The following CR1L variants were observed in gnomAD, a reference collection of about 807,000 sequenced individuals.
The protein encoded by CR1L is complement C3b/C4b receptor 1 like.
CR1L carries 59 observed loss-of-function variants against 62.3 expected under a neutral mutation model. That is an observed-to-expected ratio of 0.95 (90% CI 0.77 to 1.18). The LOEUF is 1.18. CR1L is among the 50% of genes most tolerant of loss of function. CR1L has a pLI of 0.00. For missense variants in CR1L, 700 were observed against 702.8 expected, an observed-to-expected ratio of 1.00 and a Z score of 0.04; for synonymous variants, 279 against 248.7, an observed-to-expected ratio of 1.12 and a Z score of -1.15.
chr1:207,694,811 G>A (rs1363184104), intron 5 of CR1L, 60 bp downstream of exon 5: 1 of 1,610,480 alleles, frequency 6.2e-7, no homozygotes, highest in Admixed American at 1.7e-5. Flanking sequence ...GTTGGATCAG[G>A]AGATTAGTAT....
At chr1:207,669,064 A>C (rs1289002441) in intron 1 of CR1L, 1 of 226,858 alleles carries the variant, frequency 4.4e-6, no homozygotes, top group East Asian at 1.4e-4. Context: ...TCCCACACAC[A>C]TTCTTGCAAA....
At chr1:207,691,375 A>G (rs1451370015) in intron 4 of CR1L, among the ~76,000 whole-genome samples, 4 of 151,804 alleles carry the variant, frequency 2.6e-5, no homozygotes, top group Non-Finnish European at 5.9e-5. Context: ...TCTTTGTCTT[A>G]TATTTAAAGC....
At chr1:207,699,392 A>G in intron 8 of CR1L, 118 bp downstream of exon 8, 1 of 1,275,524 alleles carries the variant, frequency 7.8e-7, no homozygotes, top group South Asian at 1.4e-5. Flanking sequence ...TGATTTGAAA[A>G]TTTCTTATTT....
At chr1:207,708,002 T>C (rs556353715) in intron 9 of CR1L, among the ~76,000 whole-genome samples, 176 bp from the exon 10 acceptor site, 7 of 152,332 alleles carry the variant, frequency 4.6e-5, no homozygotes, top group African/African-American at 1.7e-4. Context: ...CAGAAATATC[T>C]CTTTTCAATA....
chr1:207,701,713 C>G (rs749796777), intron 9 of CR1L, 95 bp downstream of exon 9: 2 of 1,518,380 alleles, frequency 1.3e-6, no homozygotes, highest in Non-Finnish European at 1.8e-6. Context: ...CTGTTGCCAC[C>G]TGCTCTTGAG....
chr1:207,715,348 C>T, intron 10 of CR1L: 3 of 1,598,810 alleles, frequency 1.9e-6, no homozygotes, highest in Non-Finnish European at 2.6e-6. Flanking sequence ...GTCATTGTGT[C>T]TTGGCTGGAA....
At chr1:207,714,692 C>CAG (rs1193477952) in intron 10 of CR1L, among the ~76,000 whole-genome samples, 1 of 152,096 alleles carries the variant, frequency 6.6e-6, no homozygotes, top group African/African-American at 2.4e-5. Flanking sequence ...ATAATGATTT[C>CAG]CAATTTCAGA....
chr1:207,669,336 G>A (rs547602139), intron 1 of CR1L: 11 of 719,426 alleles, frequency 1.5e-5, no homozygotes, highest in East Asian at 2.8e-5. Flanking sequence ...CCCTCCCCAT[G>A]CTCTGGGCGC....
intron 1 of CR1L, among the ~76,000 whole-genome samples, chr1:207,667,460 A>C (rs958592897): frequency 5.9e-5 from 9 of 152,186 alleles, no homozygotes; most frequent in African/African-American, 2.2e-4. Flanking sequence ...TCCTCTTATA[A>C]GGATCCCTGT....
intron 1 of CR1L, chr1:207,669,354 A>G (rs1233385754): frequency 4.9e-6 from 4 of 822,954 alleles, no homozygotes; most frequent in Non-Finnish European, 7.9e-6. Flanking sequence ...CGCGGAGCAC[A>G]AGGATTGGTC....
intron 4 of CR1L, among the ~76,000 whole-genome samples, chr1:207,692,320 T>C (rs990671810): frequency 3.9e-5 from 6 of 152,254 alleles, no homozygotes; most frequent in Non-Finnish European, 8.8e-5. Flanking sequence ...ATTTTTATGT[T>C]GCCTCAGCAT....
chr1:207,703,710 A>AT (rs968246590), intron 9 of CR1L, among the ~76,000 whole-genome samples: 3 of 152,256 alleles, frequency 2.0e-5, no homozygotes, highest in Admixed American at 2.0e-4. Flanking sequence ...TAATCCCAGC[A>AT]TATTGGGAGA....
At chr1:207,718,279 T>C (rs1654052645) in intron 11 of CR1L, among the ~76,000 whole-genome samples, 2 of 152,194 alleles carry the variant, frequency 1.3e-5, no homozygotes, top group South Asian at 2.1e-4. Flanking sequence ...CTCTTAGCCT[T>C]CATAGCTCCT....
At chr1:207,696,026 G>A (rs1664096873) in intron 5 of CR1L, among the ~76,000 whole-genome samples, 2 of 152,160 alleles carry the variant, frequency 1.3e-5, no homozygotes, top group South Asian at 4.1e-4. Context: ...TCACAAAGAT[G>A]TTAGAAGGGC....
chr1:207,696,260 C>T lies in CR1L; in HGVS notation c.863-1243C>T, dbSNP rs113331110. On this transcript the variant is annotated intron_variant, in intron 5 of 11. Coordinates refer to ENST00000508064, the MANE Select transcript of CR1L (RefSeq NM_175710.2). ...TTGCTGGAGCCAAAGTCATTGGCAT[C>T]GCTAGAATTGAAGCTGTAGCTGCTC... 1.1e-3 allele frequency among the ~76,000 whole-genome samples: 166 copies of T among 152,328 alleles called. 1 individual carries two copies. Among genetic ancestry groups the T allele is most frequent in the Non-Finnish European group, 1.8e-3 (124 of 68,014 alleles).
intron 9 of CR1L, among the ~76,000 whole-genome samples, chr1:207,702,957 G>T (rs1340182364): frequency 6.6e-6 from 1 of 152,154 alleles, no homozygotes; most frequent in Non-Finnish European, 1.5e-5. Flanking sequence ...GTGGCGGGTT[G>T]CCTGTAGTTC....
intron 1 of CR1L, among the ~76,000 whole-genome samples, chr1:207,649,293 T>C (rs1663185472): frequency 6.6e-6 from 1 of 152,130 alleles, no homozygotes; most frequent in Admixed American, 6.5e-5. Context: ...ACTGCCAAGC[T>C]ATTCAGTGTG....
At chr1:207,683,010 TTTTC>T (rs149982957) in intron 3 of CR1L, among the ~76,000 whole-genome samples, 35,654 of 119,980 alleles carry the variant, frequency 0.3, 4,789 homozygotes, top group Non-Finnish European at 0.36. Flanking sequence ...CTTTCTTTCT[TTTTC>T]TTTCTTTCTT....
intron 1 of CR1L, chr1:207,652,798 G>T: frequency 1.5e-6 from 1 of 660,066 alleles, no homozygotes. Context: ...CACATTTTAG[G>T]GTACATATTC....
Sources: gnomAD v4.1 joint callset for allele counts (sites outside exome capture counted in the v4.1 genomes callset) on GRCh38, gnomAD v4.1.1 for gene constraint, MANE v1.5 for transcripts, NCBI Gene and HGNC (gene_info 2026-07-23, HGNC 2026-07-21) for gene names.